The following FGF12 variants were observed in gnomAD, a reference collection of about 807,000 sequenced individuals.
FGF12 encodes fibroblast growth factor 12, also known as fibroblast growth factor 12B.
A neutral mutation model predicts 23.6 loss-of-function variants in FGF12; 14 were observed. That is an observed-to-expected ratio of 0.59 (90% CI 0.39 to 0.93). The LOEUF (loss-of-function observed/expected upper bound fraction) is 0.93. Among genes scored for constraint, FGF12 ranks in the 40% least tolerant of loss-of-function variants. The pLI is 0.00. For synonymous variants in FGF12, 62 were observed against 77.3 expected (o/e 0.80, Z 1.04); for missense variants, 175 against 217.8 (o/e 0.80, Z 1.24).
intron 2 of FGF12, among the ~76,000 whole-genome samples, chr3:192,502,203 C>T (rs1286746883): frequency 6.6e-6 from 1 of 152,134 alleles, no homozygotes; most frequent in Admixed American, 6.6e-5. Context: ...CTTGGAAATA[C>T]CCCTCCCACC....
chr3:192,689,284 A>T (rs923968092), intron 2 of FGF12, among the ~76,000 whole-genome samples: 2 of 152,166 alleles, frequency 1.3e-5, no homozygotes, highest in African/African-American at 4.8e-5. Flanking sequence ...AGTGATGTAT[A>T]CCCTAAATAT....
intron 2 of FGF12, among the ~76,000 whole-genome samples, chr3:192,700,670 T>C (rs1718261777): frequency 6.6e-6 from 1 of 152,062 alleles, no homozygotes; most frequent in Admixed American, 6.6e-5. Flanking sequence ...TCCAACAACT[T>C]ATAGAACCCT....
At chr3:192,520,074 C>T (rs559871446) in intron 2 of FGF12, among the ~76,000 whole-genome samples, 19 of 152,286 alleles carry the variant, frequency 1.2e-4, no homozygotes, top group African/African-American at 2.9e-4. Context: ...AACATCTGAG[C>T]GCTAAGTGTC....
At chr3:192,401,434 G>T (rs1339623977) in intron 2 of FGF12, among the ~76,000 whole-genome samples, 1 of 152,182 alleles carries the variant, frequency 6.6e-6, no homozygotes, top group Non-Finnish European at 1.5e-5. Context: ...ATAACTAGTG[G>T]TATTAGGAAA....
At chr3:192,309,206 GGAAAGA>G (rs1715810058) in intron 4 of FGF12, among the ~76,000 whole-genome samples, 1 of 152,146 alleles carries the variant, frequency 6.6e-6, no homozygotes, top group Admixed American at 6.5e-5. Flanking sequence ...AGCCATTAGT[GGAAAGA>G]AAGACTGCTG....
At chr3:192,366,803 G>A (rs1719006347) in intron 2 of FGF12, among the ~76,000 whole-genome samples, 1 of 152,156 alleles carries the variant, frequency 6.6e-6, no homozygotes, top group South Asian at 2.1e-4. Flanking sequence ...CTAGAAGAGG[G>A]AGGATTTGGA....
chr3:192,175,548 T>G (rs77997024), intron 4 of FGF12, among the ~76,000 whole-genome samples: 6,633 of 152,310 alleles, frequency 0.044, 191 homozygotes, highest in Admixed American at 0.059. Context: ...ATGAATATTT[T>G]GATAGTGTTC....
At chr3:192,586,419 A>C (rs1343922911) in intron 2 of FGF12, among the ~76,000 whole-genome samples, 1 of 152,166 alleles carries the variant, frequency 6.6e-6, no homozygotes, top group Admixed American at 6.5e-5. Context: ...TATCCATCTC[A>C]TTGGTTGTTA....
At chr3:192,696,239 T>A (rs1718120509) in intron 2 of FGF12, among the ~76,000 whole-genome samples, 1 of 151,914 alleles carries the variant, frequency 6.6e-6, no homozygotes, top group Admixed American at 6.6e-5. Context: ...AGCTGCATGA[T>A]CTCTGTTGTC....
intron 2 of FGF12, among the ~76,000 whole-genome samples, chr3:192,571,940 C>T (rs1444471799): frequency 2.8e-5 from 3 of 106,516 alleles, no homozygotes; most frequent in East Asian, 4.9e-4. Context: ...AGCACTATTG[C>T]TGTTTTTTTT....
chr3:192,177,055 A>G (rs1715904716), intron 4 of FGF12, among the ~76,000 whole-genome samples: 1 of 152,254 alleles, frequency 6.6e-6, no homozygotes, highest in African/African-American at 2.4e-5. Context: ...TGAACAGAAT[A>G]GAAAAACAGA....
At chr3:192,195,744 ATATGTATG>A (rs529051718) in intron 4 of FGF12, among the ~76,000 whole-genome samples, 28 of 152,250 alleles carry the variant, frequency 1.8e-4, no homozygotes, top group African/African-American at 6.3e-4. Flanking sequence ...GTATGTGTAT[ATATGTATG>A]TATGTATGTA....
chr3:192,182,754 C>T (rs1716248954), intron 4 of FGF12, among the ~76,000 whole-genome samples: 1 of 152,142 alleles, frequency 6.6e-6, no homozygotes, highest in Non-Finnish European at 1.5e-5. Flanking sequence ...TCCCAACATC[C>T]AGGGGGCCCT....
chr3:192,252,501 GAAGAGAAGAC>G lies in FGF12; in HGVS notation c.229-81855_229-81846del, dbSNP rs1180756942. 1.2e-4 allele frequency among the ~76,000 whole-genome samples: 15 copies of G among 126,600 alleles called. 1 individual carries two copies. Among genetic ancestry groups the G allele is most frequent in the East Asian group, 2.2e-4 (1 of 4,584 alleles). 83.1% of individuals were successfully genotyped at this position (126,600 alleles called of 152,430 possible). A position where few individuals can be genotyped will look rare whatever the true frequency, so the allele number is the denominator to read the frequency against. Reference sequence around the variant, plus strand: ...AAAAAAAAAAAAAAAAAAGAAAAGAGAAGAGAAGACAAGAGAAGACAAGAAAAGACAAGAA... The same window carrying G: ...AAAAAAAAAAAAAAAAAAGAAAAGAGAAGAGAAGACAAGAAAAGACAAGAA... On this transcript the variant is annotated intron_variant, in intron 4 of 5. Transcript: ENST00000445105.
intron 3 of FGF12, among the ~76,000 whole-genome samples, chr3:192,351,292 T>C (rs940903): frequency 0.58 from 88,618 of 151,914 alleles, 28,839 homozygotes; most frequent in East Asian, 0.93. Flanking sequence ...AAATGAGGGG[T>C]GGGGGAAGTA....
chr3:192,439,546 A>G (rs1244930898), intron 2 of FGF12, among the ~76,000 whole-genome samples: 1 of 152,224 alleles, frequency 6.6e-6, no homozygotes, highest in East Asian at 1.9e-4. Context: ...GCTTGGGGAT[A>G]CAATGGTGAG....
chr3:192,661,450 G>A (rs150990225), intron 2 of FGF12, among the ~76,000 whole-genome samples: 4,463 of 152,126 alleles, frequency 0.029, 189 homozygotes, highest in African/African-American at 0.1. Context: ...TGCTTGAACT[G>A]GGTGGCAGAG....
intron 4 of FGF12, chr3:192,244,723 A>T (rs1719795441): frequency 6.6e-6 from 1 of 152,212 alleles, no homozygotes; most frequent in Admixed American, 6.5e-5. Flanking sequence ...GAAAGAAGAT[A>T]TGCACAGTAT....
At chr3:192,484,580 T>C (rs375884323) in intron 2 of FGF12, among the ~76,000 whole-genome samples, 6 of 152,244 alleles carry the variant, frequency 3.9e-5, no homozygotes, top group African/African-American at 1.4e-4. Context: ...AATTATCATT[T>C]AAACTGTTGC....
Sources: allele counts gnomAD v4.1 joint callset (sites outside exome capture counted in the v4.1 genomes callset), GRCh38; gene constraint gnomAD v4.1.1; transcripts MANE v1.5; gene names NCBI Gene and HGNC (gene_info 2026-07-23, HGNC 2026-07-21).